Variants in OPCML observed in about 807,000 individuals in gnomAD.
OPCML encodes opioid-binding protein/cell adhesion molecule.
Under a neutral mutation model 37.8 loss-of-function variants are expected in OPCML, and 13 were observed. The observed-to-expected ratio is 0.34, with a 90% CI of 0.22 to 0.55. The LOEUF is 0.55. Among genes scored for constraint, OPCML ranks in the 20% least tolerant of loss-of-function variants. The pLI, the probability that OPCML is intolerant of heterozygous loss-of-function variation, is 0.91. For synonymous variants in OPCML, 176 were observed against 168.8 expected (o/e 1.04, Z -0.33); for missense variants, 341 against 435.6 (o/e 0.78, Z 1.93).
chr11:132,826,950 G>A (rs1940383509), intron 2 of OPCML, among the ~76,000 whole-genome samples: 1 of 152,106 alleles, frequency 6.6e-6, no homozygotes, highest in Non-Finnish European at 1.5e-5. Context: ...AAGAGAAGGG[G>A]GAGACAGATA....
chr11:132,480,454 T>C (rs2096175665), intron 4 of OPCML, among the ~76,000 whole-genome samples: 1 of 152,158 alleles, frequency 6.6e-6, no homozygotes. Context: ...TGCAGGATAT[T>C]CTCCAGGAGA....
intron 3 of OPCML, among the ~76,000 whole-genome samples, chr11:132,536,358 T>A (rs1264612577): frequency 6.6e-6 from 1 of 152,180 alleles, no homozygotes; most frequent in Non-Finnish European, 1.5e-5. Context: ...TTGAACACAA[T>A]TTTTTTCCTA....
At chr11:132,612,534 T>C (rs1314970362) in intron 3 of OPCML, among the ~76,000 whole-genome samples, 1 of 152,072 alleles carries the variant, frequency 6.6e-6, no homozygotes, top group East Asian at 1.9e-4. Context: ...ACCAGGAAGA[T>C]GTGGGAGGGG....
chr11:133,422,816 T>C, intron 1 of OPCML: 4 of 901,902 alleles, frequency 4.4e-6, no homozygotes, highest in Non-Finnish European at 5.3e-6. Flanking sequence ...TCTTTTGGAA[T>C]CAGAAAGTAT....
chr11:133,243,316 G>C (rs994077084), intron 1 of OPCML, among the ~76,000 whole-genome samples: 11 of 152,212 alleles, frequency 7.2e-5, no homozygotes, highest in African/African-American at 2.7e-4. Flanking sequence ...TCTTGGAAAG[G>C]TGTAGGCTGG....
At position 132,909,103 on chromosome 11, in the gene OPCML, G is replaced by A. The variant is rs535405444; in HGVS notation, c.146+33823C>T. ...CCCACACGGCAGAGCTGAAAGCGAGGAGCAGCTTCAGCTGCAGCCCTTGGG... is the reference window on the plus strand; with the variant it reads ...CCCACACGGCAGAGCTGAAAGCGAGAAGCAGCTTCAGCTGCAGCCCTTGGG... On this transcript the variant is annotated intron_variant, in intron 2 of 7. Coordinates refer to ENST00000524381, the MANE Select transcript of OPCML (RefSeq NM_001012393.5). 3.3e-5 allele frequency among the ~76,000 whole-genome samples: 5 copies of A among 152,332 alleles called. No homozygotes were observed. In the East Asian group the frequency reaches 9.7e-4, roughly 30 times the overall value.
intron 1 of OPCML, among the ~76,000 whole-genome samples, chr11:133,249,043 C>A (rs1201085070): frequency 6.6e-6 from 1 of 152,274 alleles, no homozygotes. Context: ...ATTTCAGTTT[C>A]TTTTGCTGAA....
intron 2 of OPCML, among the ~76,000 whole-genome samples, chr11:132,780,887 T>A (rs893689468): frequency 3.9e-5 from 6 of 152,216 alleles, no homozygotes; most frequent in African/African-American, 1.4e-4. Flanking sequence ...CGGGGACTTG[T>A]AAGCAGACTC....
At chr11:133,520,375 A>G (rs1460267668) in intron 1 of OPCML, among the ~76,000 whole-genome samples, 1 of 152,076 alleles carries the variant, frequency 6.6e-6, no homozygotes, top group Non-Finnish European at 1.5e-5. Context: ...AGATGGGTAT[A>G]TGACTGATTC....
intron 1 of OPCML, among the ~76,000 whole-genome samples, chr11:133,243,864 C>A (rs1207689573): frequency 6.6e-6 from 1 of 152,234 alleles, no homozygotes; most frequent in Non-Finnish European, 1.5e-5. Flanking sequence ...TTGGGGACCT[C>A]TTGGAGCCAG....
intron 3 of OPCML, among the ~76,000 whole-genome samples, chr11:132,624,211 G>A (rs192299825): frequency 5.9e-5 from 9 of 152,308 alleles, no homozygotes; most frequent in Admixed American, 1.3e-4. Context: ...AAAGGCAACT[G>A]TAGGCAAATG....
At chr11:132,629,462 T>C (rs1295732714) in intron 3 of OPCML, among the ~76,000 whole-genome samples, 1 of 152,176 alleles carries the variant, frequency 6.6e-6, no homozygotes, top group Non-Finnish European at 1.5e-5. Flanking sequence ...CTAATTTACA[T>C]ATAATCTTCA....
chr11:133,320,847 G>A (rs932619280), intron 1 of OPCML, among the ~76,000 whole-genome samples: 2 of 152,264 alleles, frequency 1.3e-5, no homozygotes, highest in African/African-American at 4.8e-5. Context: ...GAAGGAAATT[G>A]TTTTATGGGC....
intron 1 of OPCML, among the ~76,000 whole-genome samples, chr11:132,993,816 AC>A (rs560967596): frequency 6.6e-5 from 10 of 151,660 alleles, no homozygotes; most frequent in African/African-American, 1.2e-4. Flanking sequence ...ACTGACAACT[AC>A]CCCCCCACCC....
At chr11:133,018,533 C>A (rs80311370) in intron 1 of OPCML, among the ~76,000 whole-genome samples, 5 of 152,070 alleles carry the variant, frequency 3.3e-5, no homozygotes, top group Admixed American at 6.5e-5. Context: ...TTTTGTAGAT[C>A]GGAAAATCCG....
At chr11:132,469,423 G>A (rs1298288109) in intron 4 of OPCML, among the ~76,000 whole-genome samples, 2 of 151,574 alleles carry the variant, frequency 1.3e-5, no homozygotes, top group Admixed American at 6.6e-5. Context: ...GCGTGTGTAT[G>A]TGTGTATGTG....
At chr11:133,158,111 C>T (rs1191891006) in intron 1 of OPCML, among the ~76,000 whole-genome samples, 1 of 152,190 alleles carries the variant, frequency 6.6e-6, no homozygotes, top group African/African-American at 2.4e-5. Context: ...ATGCATTTCC[C>T]AGCAGTGGCA....
intron 4 of OPCML, among the ~76,000 whole-genome samples, chr11:132,459,933 T>A (rs2096095307): frequency 1.3e-5 from 2 of 152,148 alleles, no homozygotes; most frequent in South Asian, 4.1e-4. Flanking sequence ...CCCACATTAT[T>A]CATTTTCAAG....
intron 1 of OPCML, among the ~76,000 whole-genome samples, chr11:133,218,147 T>A (rs767823268): frequency 2.6e-4 from 39 of 152,150 alleles, no homozygotes; most frequent in Non-Finnish European, 4.4e-4. Context: ...TATTTTTTTT[T>A]ATGTTTTATT....
Sources: allele counts gnomAD v4.1 joint callset (sites outside exome capture counted in the v4.1 genomes callset), GRCh38; gene constraint gnomAD v4.1.1; transcripts MANE v1.5; gene names NCBI Gene and HGNC (gene_info 2026-07-23, HGNC 2026-07-21).